NKAIN3: variants seen among roughly 807,000 people sequenced by gnomAD.
NKAIN3 encodes the protein sodium/potassium-transporting ATPase subunit beta-1-interacting protein 3.
NKAIN3 carries 25 observed loss-of-function variants against 30.2 expected under a neutral mutation model. That is an observed-to-expected ratio of 0.83 (90% CI 0.60 to 1.16). The LOEUF (loss-of-function observed/expected upper bound fraction) is 1.16. Among genes scored for constraint, NKAIN3 ranks in the 50% most tolerant of loss-of-function variants. The pLI, the probability that NKAIN3 is intolerant of heterozygous loss-of-function variation, is 0.00. For synonymous variants in NKAIN3, 91 were observed against 89.6 expected, an observed-to-expected ratio of 1.02 and a Z score of -0.09; for missense variants, 225 against 254.1, an observed-to-expected ratio of 0.89 and a Z score of 0.78.
intron 4 of NKAIN3, among the ~76,000 whole-genome samples, chr8:62,772,588 T>C (rs191490367): frequency 1.3e-5 from 2 of 152,276 alleles, no homozygotes; most frequent in East Asian, 3.9e-4. Context: ...TCAGTGATGT[T>C]GAGCATCTCT....
intron 1 of NKAIN3, among the ~76,000 whole-genome samples, chr8:62,415,440 T>C (rs1376686628): frequency 6.7e-6 from 1 of 150,060 alleles, no homozygotes; most frequent in Non-Finnish European, 1.5e-5. Context: ...TCATCAATTG[T>C]CTACATAGTT....
chr8:62,943,148 C>T (rs917054639), intron 5 of NKAIN3, among the ~76,000 whole-genome samples: 6 of 152,048 alleles, frequency 3.9e-5, no homozygotes, highest in Admixed American at 3.9e-4. Context: ...TGACAAACGA[C>T]TAATATCCAA....
intron 3 of NKAIN3, among the ~76,000 whole-genome samples, chr8:62,713,942 T>C (rs1243473197): frequency 1.3e-5 from 2 of 152,158 alleles, no homozygotes; most frequent in African/African-American, 2.4e-5. Context: ...AACCACTAGA[T>C]TGTGATAGAT....
At chr8:62,395,839 T>C (rs879298397) in intron 1 of NKAIN3, among the ~76,000 whole-genome samples, 6 of 152,206 alleles carry the variant, frequency 3.9e-5, no homozygotes, top group Admixed American at 2.0e-4. Context: ...ATAGAGGTTC[T>C]GCTTTTTAAA....
At chr8:62,380,086 C>T (rs1232751704) in intron 1 of NKAIN3, among the ~76,000 whole-genome samples, 1 of 152,086 alleles carries the variant, frequency 6.6e-6, no homozygotes, top group Non-Finnish European at 1.5e-5. Flanking sequence ...GGGTTGGTAA[C>T]TAGTACTTTA....
intron 3 of NKAIN3, among the ~76,000 whole-genome samples, chr8:62,683,698 T>C (rs1298130739): frequency 6.6e-6 from 1 of 152,126 alleles, no homozygotes; most frequent in African/African-American, 2.4e-5. Flanking sequence ...CAGAATCTCA[T>C]AAGCATTTCA....
intron 1 of NKAIN3, among the ~76,000 whole-genome samples, chr8:62,384,205 G>C (rs1817358580): frequency 6.6e-6 from 1 of 152,142 alleles, no homozygotes; most frequent in Non-Finnish European, 1.5e-5. Context: ...GCATCACATG[G>C]CATTTTAAGC....
At chr8:62,738,993 T>C (rs1004667971) in intron 3 of NKAIN3, among the ~76,000 whole-genome samples, 2 of 152,146 alleles carry the variant, frequency 1.3e-5, no homozygotes, top group African/African-American at 4.8e-5. Flanking sequence ...GAAACCATCA[T>C]TCTCAGCAAA....
intron 4 of NKAIN3, among the ~76,000 whole-genome samples, chr8:62,776,657 C>G (rs1228682662): frequency 6.6e-6 from 1 of 152,054 alleles, no homozygotes; most frequent in Non-Finnish European, 1.5e-5. Context: ...ATTGTATACC[C>G]TATGTCTTGA....
intron 1 of NKAIN3, among the ~76,000 whole-genome samples, chr8:62,546,858 G>C (rs531362650): frequency 6.6e-6 from 1 of 152,296 alleles, no homozygotes; most frequent in East Asian, 1.9e-4. Flanking sequence ...AGGGTGCCAA[G>C]AAAGCAGCAC....
intron 1 of NKAIN3, among the ~76,000 whole-genome samples, chr8:62,384,074 C>G (rs1284878022): frequency 1.3e-5 from 2 of 152,058 alleles, no homozygotes; most frequent in African/African-American, 4.8e-5. Flanking sequence ...TTCCATGGTG[C>G]TATTCAAGGT....
At chr8:62,394,460 T>C (rs1817667528) in intron 1 of NKAIN3, among the ~76,000 whole-genome samples, 1 of 149,580 alleles carries the variant, frequency 6.7e-6, no homozygotes, top group African/African-American at 2.5e-5. Flanking sequence ...ATTGTATTTT[T>C]TTCTTGACTG....
chr8:62,581,427 A>G (rs1810289100), intron 2 of NKAIN3, among the ~76,000 whole-genome samples: 2 of 152,222 alleles, frequency 1.3e-5, no homozygotes, highest in South Asian at 2.1e-4. Flanking sequence ...GAATGAAGCT[A>G]TAGGTAAACA....
chr8:62,593,914 G>A (rs1335359617), intron 3 of NKAIN3, among the ~76,000 whole-genome samples: 2 of 151,942 alleles, frequency 1.3e-5, no homozygotes, highest in Non-Finnish European at 2.9e-5. Context: ...TGTTAGGTGG[G>A]GATCCTCAGT....
At chr8:62,826,072 G>A (rs768793252) in intron 4 of NKAIN3, among the ~76,000 whole-genome samples, 21 of 152,092 alleles carry the variant, frequency 1.4e-4, no homozygotes, top group Non-Finnish European at 1.0e-4. Flanking sequence ...ATCGAGTCAC[G>A]TACTCTACAC....
chr8:62,336,482 A>G (rs1379088935), intron 1 of NKAIN3, among the ~76,000 whole-genome samples: 1 of 152,032 alleles, frequency 6.6e-6, no homozygotes, highest in Admixed American at 6.6e-5. Context: ...AGTCTTTTCA[A>G]GGCCCTTGGG....
chr8:62,518,796 G>A (rs1451720961), intron 1 of NKAIN3, among the ~76,000 whole-genome samples: 5 of 152,132 alleles, frequency 3.3e-5, no homozygotes, highest in Non-Finnish European at 5.9e-5. Context: ...AATCTCAGCT[G>A]TTGCTAAGAC....
chr8:62,688,769 C>G (rs963302072), intron 3 of NKAIN3, among the ~76,000 whole-genome samples: 16 of 149,642 alleles, frequency 1.1e-4, no homozygotes, highest in African/African-American at 3.8e-4. Context: ...CACACACACA[C>G]ACAAAACCAT....
At chr8:62,505,451 G>A (rs1246843023) in intron 1 of NKAIN3, among the ~76,000 whole-genome samples, 2 of 152,246 alleles carry the variant, frequency 1.3e-5, no homozygotes, top group African/African-American at 2.4e-5. Flanking sequence ...GGAACATAAT[G>A]TAGGGGATAT....
Sources: gnomAD v4.1 joint callset for allele counts (sites outside exome capture counted in the v4.1 genomes callset) on GRCh38, gnomAD v4.1.1 for gene constraint, MANE v1.5 for transcripts, NCBI Gene and HGNC (gene_info 2026-07-23, HGNC 2026-07-21) for gene names.